Variants in CSF1R observed in about 807,000 individuals in gnomAD.
CSF1R encodes the protein macrophage colony-stimulating factor 1 receptor.
Under a neutral mutation model 110.0 loss-of-function variants are expected in CSF1R, and 40 were observed. The observed-to-expected ratio is 0.36, with a 90% CI of 0.28 to 0.47. The LOEUF (loss-of-function observed/expected upper bound fraction) is 0.47. Ranked by LOEUF, CSF1R falls within the 20% of genes least tolerant of loss-of-function variation. CSF1R has a pLI of 0.99. For synonymous variants in CSF1R, 523 were observed against 503.4 expected, an observed-to-expected ratio of 1.04 and a Z score of -0.52; for missense variants, 1,052 against 1,253.0, an observed-to-expected ratio of 0.84 and a Z score of 2.42.
rs1757959743 is a variant in CSF1R, at chr5:150,069,936, A to G, written c.1447T>C (p.Tyr483His). The G allele has an allele frequency of 1.2e-6, 2 of 1,613,846 alleles. No individual in the cohort carries two copies. The highest frequency in any genetic ancestry group is 1.7e-5 in the Admixed American group (1 of 59,990). Reference protein sequence around the residue: ...TVETLEHNQTYECRAHNSVGS... With the variant: ...TVETLEHNQTHECRAHNSVGS... The stretch of plus-strand genomic sequence containing the variant: ...ACGCTGTTGTGGGCCCTGCACTCGT[A>G]GGTTTGGTTGTGCTCTAAGGTCTCA... Residue 483 changes from tyrosine (Y) to histidine (H), a missense_variant, in exon 9 of 21, where the codon TAC (tyrosine) becomes CAC (histidine). Tyr to His is a moderately conservative substitution (Grantham distance 83). This residue lies in a region of CSF1R where 693 missense variants were observed against 735.4 expected (regional missense o/e 0.94). Coordinates refer to ENST00000675795, the MANE Select transcript of CSF1R (RefSeq NM_001288705.3).
In CSF1R at chr5:150,071,998, C is replaced by T. The variant is rs181959571; in HGVS notation, c.1082+1303G>A. On this transcript the variant is annotated intron_variant, in intron 6 of 20. Transcript: ENST00000675795. ...GTTTTGAAGTTGTCTAAGGGATCCA[C>T]ACAGGGATGACAAACAGATCTCTCA... Among the ~76,000 whole-genome samples, 166 of 152,288 alleles carry T rather than the reference C, an allele frequency of 1.1e-3. 1 individual carries two copies. The highest frequency in any genetic ancestry group is 5.0e-4 in the Non-Finnish European group (34 of 68,022).
chr5:150,071,857 T>G (rs1169949674), intron 6 of CSF1R, among the ~76,000 whole-genome samples: 1 of 152,202 alleles, frequency 6.6e-6, no homozygotes, highest in Non-Finnish European at 1.5e-5. Context: ...AGAAGGGAAC[T>G]GAGAGGAGGA....
In CSF1R at chr5:150,057,530, G is replaced by A. The variant is rs1757280130; in HGVS notation, c.2195C>T (p.Ser732Phe). ...TYVEMRPVSTSSNDSFSEQDL... is the reference protein window; with the variant it reads ...TYVEMRPVSTFSNDSFSEQDL... ...TTGCTCAGAGAAGGAGTCATTTGAA[G>A]AAGTGGAGACAGGCCTCATCTCCAC... The change falls in exon 15 of 21, where the codon TCT (serine) becomes TTT (phenylalanine). Residue 732 changes from serine (S) to phenylalanine (F), a missense_variant. Ser to Phe is a radical substitution (Grantham distance 155). This residue lies in a region of CSF1R where 124 missense variants were observed against 117.7 expected (regional missense o/e 1.05). Coordinates refer to ENST00000675795, the MANE Select transcript of CSF1R (RefSeq NM_001288705.3). The A allele has an allele frequency of 4.3e-6, 7 of 1,614,228 alleles. No individual in the cohort carries two copies. Among genetic ancestry groups the A allele is most frequent in the African/African-American group, 2.7e-5 (2 of 75,064 alleles).
rs544580321 is a variant in CSF1R, at chr5:150,086,412, G to C, written c.16C>G (p.Leu6Val). 6.2e-7 allele frequency: 1 copy of C among 1,610,616 alleles called. No individual in the cohort carries two copies. Among genetic ancestry groups the C allele is most frequent in the Non-Finnish European group, 8.5e-7 (1 of 1,178,692 alleles). The change falls in exon 1 of 21, where the codon CTG becomes GTG. Residue 6 changes from leucine (L) to valine (V), a missense_variant. Coordinates refer to ENST00000675795, the MANE Select transcript of CSF1R (RefSeq NM_001288705.3). MGPGV[L>V]LLLLVATAWH... The stretch of plus-strand genomic sequence containing the variant: ...GCTGTGGCCACCAGCAGGAGCAGCA[G>C]AACTCCTGGGCCCATGGCCTCGGTG...
At chr5:150,084,408 A>G (rs201394929) in intron 1 of CSF1R, among the ~76,000 whole-genome samples, 1 of 61,098 alleles carries the variant, frequency 1.6e-5, no homozygotes, top group Non-Finnish European at 3.2e-5. Flanking sequence ...GGAAGGAAGG[A>G]AGGAAGGAAG....
chr5:150,100,215 C>G (rs899757671), intron 1 of CSF1R, among the ~76,000 whole-genome samples: 1 of 149,918 alleles, frequency 6.7e-6, no homozygotes, highest in Non-Finnish European at 1.5e-5. Flanking sequence ...CATATGGACA[C>G]TTGACAGATG....
chr5:150,076,979 A>G (rs1758293206), intron 5 of CSF1R: 3 of 444,944 alleles, frequency 6.7e-6, no homozygotes, highest in African/African-American at 4.0e-5. Context: ...AAGAATGAAC[A>G]AATGAAGTCC....
chr5:150,088,935 G>A (rs1175012479), upstream of CSF1R, among the ~76,000 whole-genome samples: 1 of 152,024 alleles, frequency 6.6e-6, no homozygotes, highest in African/African-American at 2.4e-5. Flanking sequence ...TGAAAATCAG[G>A]GTAATACATC....
In CSF1R at chr5:150,080,088, C is replaced by T. The variant is rs752144106; in HGVS notation, c.556G>A (p.Val186Met). ...QCSALMGGRK[V>M]MSISIRLKVQ... ...TTCAGCCGGATGCTGATGGACATCA[C>T]CTTCCTGCCACCCATCAGGGCACTG... The change falls in exon 3 of 21, where the codon GTG (valine) becomes ATG (methionine). Residue 186 changes from valine (V) to methionine (M), a missense_variant. By Grantham distance (21) the Val-to-Met change is conservative (BLOSUM62 1). Around this residue, in one of 5 missense-constraint regions of CSF1R, gnomAD observed 693 missense variants for 735.4 expected, o/e 0.94. Coordinates refer to ENST00000675795, the MANE Select transcript of CSF1R (RefSeq NM_001288705.3). 2 of 1,614,172 alleles carry T rather than the reference C, an allele frequency of 1.2e-6. No individual in the cohort carries two copies. The highest frequency in any genetic ancestry group is 1.7e-6 in the Non-Finnish European group (2 of 1,180,028).
At position 150,084,463 on chromosome 5, in the gene CSF1R, A is replaced by AAAGG. The variant is rs1329784205; in HGVS notation, c.49+1912_49+1915dup. Among the ~76,000 whole-genome samples, 72 of 89,516 alleles carry AAAGG rather than the reference A, an allele frequency of 8.0e-4. 1 individual carries two copies. The highest frequency in any genetic ancestry group is 1.3e-3 in the South Asian group (4 of 3,082). The allele number at this position is 89,516 out of a possible 152,430, so 58.7% of individuals were successfully genotyped here. A position where few individuals can be genotyped will look rare whatever the true frequency, so the allele number is the denominator to read the frequency against. On this transcript the variant is annotated intron_variant, in intron 1 of 20. Coordinates refer to ENST00000675795, the MANE Select transcript of CSF1R (RefSeq NM_001288705.3). The stretch of plus-strand genomic sequence containing the variant: ...GGAAGGAAGGAAGGAAGGAAGAAAG[A>AAAGG]AAGGAAGGAGATGGAGTCTTGCTCT...
In CSF1R at chr5:150,053,683, C is replaced by CAAAG; in HGVS notation, c.*382_*385dup. 1 of 339,266 alleles carries CAAAG rather than the reference C, an allele frequency of 2.9e-6. No homozygotes were observed. Among genetic ancestry groups the CAAAG allele is most frequent in the Non-Finnish European group, 5.5e-6 (1 of 182,222 alleles). The allele number at this position is 339,266 out of a possible 1,614,324, so 21.0% of individuals were successfully genotyped here. A position where few individuals can be genotyped will look rare whatever the true frequency, so the allele number is the denominator to read the frequency against. Reference sequence around the variant, plus strand: ...CACTCTCTGCCAGTCTGTCTAGCCCCAAAGAGCCTGGTTTTCTCAGTATCA... The same window carrying CAAAG: ...CACTCTCTGCCAGTCTGTCTAGCCCCAAAGAAAGAGCCTGGTTTTCTCAGTATCA... On this transcript the variant is annotated 3_prime_UTR_variant, in exon 21 of 21. Coordinates refer to ENST00000675795, the MANE Select transcript of CSF1R (RefSeq NM_001288705.3).
intron 5 of CSF1R, among the ~76,000 whole-genome samples, chr5:150,075,200 C>T (rs1758211387): frequency 6.6e-6 from 1 of 152,206 alleles, no homozygotes; most frequent in Non-Finnish European, 1.5e-5. Flanking sequence ...TTTCTCTTCT[C>T]TGTCTCTCTC....
At chr5:150,109,303 GA>G (rs1055720274) in intron 1 of CSF1R, among the ~76,000 whole-genome samples, 3 of 152,182 alleles carry the variant, frequency 2.0e-5, no homozygotes, top group African/African-American at 7.2e-5. Context: ...TAATCGTGAG[GA>G]TCCGATGGGA....
intron 1 of CSF1R, among the ~76,000 whole-genome samples, chr5:150,092,932 C>T (rs182859473): frequency 6.6e-6 from 1 of 152,302 alleles, no homozygotes; most frequent in Admixed American, 6.5e-5. Flanking sequence ...TGTAGTCTCT[C>T]TCTCTCTCTC....
intron 1 of CSF1R, among the ~76,000 whole-genome samples, chr5:150,110,340 T>C (rs1409703867): frequency 6.6e-6 from 1 of 152,256 alleles, no homozygotes; most frequent in Admixed American, 6.5e-5. Context: ...GCTCTCGCCA[T>C]TGTTCCATCT....
intron 1 of CSF1R, among the ~76,000 whole-genome samples, chr5:150,104,889 T>C (rs1759500123): frequency 6.6e-6 from 1 of 151,840 alleles, no homozygotes; most frequent in Non-Finnish European, 1.5e-5. Context: ...TTTGTTCTTT[T>C]TTTTTTTGAG....
At chr5:150,108,224 G>T (rs1302517014) in intron 1 of CSF1R, among the ~76,000 whole-genome samples, 1 of 152,192 alleles carries the variant, frequency 6.6e-6, no homozygotes, top group Non-Finnish European at 1.5e-5. Flanking sequence ...AATGCGAAGA[G>T]AAATCATTTT....
In CSF1R at chr5:150,061,528, C is replaced by T. The variant is rs760109569; in HGVS notation, c.1821G>A (p.Glu607=). Reference sequence around the variant, plus strand: ...TCACAGCCACCTTCAGGACAGCATCCTCCTTGCCCAGACCAAAGGCCGTGG... The same window carrying T: ...TCACAGCCACCTTCAGGACAGCATCTTCCTTGCCCAGACCAAAGGCCGTGG... ...VEATAFGLGK[E]DAVLKVAVKM... Residue 607 remains glutamate, a synonymous_variant, in exon 12 of 21, where the codon GAG becomes GAA. Transcript: ENST00000675795. The T allele has an allele frequency of 8.1e-6, 13 of 1,606,574 alleles. No individual in the cohort carries two copies. The South Asian group carries it at 1.4e-4, about 18-fold the overall frequency.
intron 1 of CSF1R, among the ~76,000 whole-genome samples, chr5:150,081,954 G>A (rs529952943): frequency 2.6e-5 from 4 of 152,314 alleles, no homozygotes; most frequent in South Asian, 2.1e-4. Flanking sequence ...TCAAGCCTCC[G>A]AGGGGCTGCC....
Sources: allele counts gnomAD v4.1 joint callset (sites outside exome capture counted in the v4.1 genomes callset), GRCh38; gene constraint gnomAD v4.1.1; regional missense constraint gnomAD v4.1.1; transcripts MANE v1.5; gene names NCBI Gene and HGNC (gene_info 2026-07-23, HGNC 2026-07-21).